Variants in MYH15 observed in about 807,000 individuals in gnomAD.
The protein encoded by MYH15 is myosin-15.
Under a neutral mutation model 240.5 loss-of-function variants are expected in MYH15, and 227 were observed. The observed-to-expected ratio is 0.94, with a 90% CI of 0.85 to 1.05. The LOEUF is 1.05. MYH15 is among the 50% of genes least tolerant of loss of function. The pLI, the probability that MYH15 is intolerant of heterozygous loss-of-function variation, is 0.00. For synonymous variants in MYH15, 785 were observed against 796.7 expected (o/e 0.99, Z 0.25); for missense variants, 2,217 against 2,247.5 (o/e 0.99, Z 0.27).
chr3:108,459,523 C>T, intron 17 of MYH15, 74 bp from the exon 18 acceptor site: 1 of 822,244 alleles, frequency 1.2e-6, no homozygotes, highest in Non-Finnish European at 1.9e-6. Flanking sequence ...TCACAAATGT[C>T]TCCAAATCTA....
chr3:108,381,829 A>G (rs2082345983), intron 40 of MYH15, among the ~76,000 whole-genome samples: 1 of 152,150 alleles, frequency 6.6e-6, no homozygotes, highest in Non-Finnish European at 1.5e-5. Context: ...TGCCAACCCC[A>G]TAAGGAGAAA....
Position 108,495,928 on chromosome 3 carries a change from T to C in MYH15, c.619-56A>G, listed in dbSNP as rs971034620. On this transcript the variant is annotated intron_variant, in intron 6 of 40. Coordinates refer to ENST00000693548, the MANE Select transcript of MYH15 (RefSeq NM_014981.3). ...TGAAACTATTAGTAGAATTCTGTAA[T>C]GCGGCAAGCCCTCCATCTCCAGGTC... 7 of 1,353,886 alleles carry C rather than the reference T, an allele frequency of 5.2e-6. No individual in the cohort carries two copies. In the East Asian group the frequency reaches 9.8e-5, roughly 19 times the overall value. 83.9% of individuals were successfully genotyped at this position (1,353,886 alleles called of 1,614,324 possible).
At chr3:108,539,795 A>G in the MYH15 span, among the ~76,000 whole-genome samples, 1 of 152,114 alleles carries the variant, frequency 6.6e-6, no homozygotes, top group Non-Finnish European at 1.5e-5. Context: ...AAATATAGAC[A>G]GTTTCCTGGC....
intron 6 of MYH15, 50 bp from the exon 7 acceptor site, chr3:108,495,922 C>T: frequency 7.1e-7 from 1 of 1,413,028 alleles, no homozygotes; most frequent in Non-Finnish European, 9.8e-7. Flanking sequence ...TAGTAGAATT[C>T]TGTAATGCGG....
intron 37 of MYH15, among the ~76,000 whole-genome samples, chr3:108,390,346 G>C (rs928879886): frequency 3.9e-5 from 6 of 152,074 alleles, no homozygotes; most frequent in African/African-American, 9.7e-5. Context: ...GTTCATTGCT[G>C]GTCGTTGCTA....
intron 30 of MYH15, among the ~76,000 whole-genome samples, chr3:108,413,121 C>A (rs372166063): frequency 6.6e-6 from 1 of 152,146 alleles, no homozygotes; most frequent in East Asian, 1.9e-4. Context: ...GATAGATAGG[C>A]AATTTCACCT....
At chr3:108,513,975 T>C (rs114084591), upstream of MYH15, among the ~76,000 whole-genome samples, 2,074 of 152,294 alleles carry the variant, frequency 0.014, 63 homozygotes, top group African/African-American at 0.047. Context: ...CTGTTTATAT[T>C]GATACGGCAC....
At chr3:108,532,276 C>T (rs2688251), upstream of MYH15, among the ~76,000 whole-genome samples, 151,635 of 152,124 alleles carry the variant, frequency 1, 75,574 homozygotes, top group Middle Eastern at 1. Context: ...GTAAACTGAG[C>T]AAAGCAGATT....
chr3:108,410,058 G>A (rs373962039), intron 31 of MYH15, among the ~76,000 whole-genome samples: 15 of 115,202 alleles, frequency 1.3e-4, no homozygotes, highest in African/African-American at 3.7e-4. Flanking sequence ...CCAGATCTGC[G>A]ACTTATCAAA....
At chr3:108,463,697 T>C (rs961390395) in intron 15 of MYH15, among the ~76,000 whole-genome samples, 1 of 152,012 alleles carries the variant, frequency 6.6e-6, no homozygotes, top group African/African-American at 2.4e-5. Flanking sequence ...TTTAATGTAA[T>C]AGTACAGAAT....
chr3:108,401,365 G>C (rs1008245482), intron 33 of MYH15, among the ~76,000 whole-genome samples: 1 of 139,520 alleles, frequency 7.2e-6, no homozygotes, highest in Non-Finnish European at 1.6e-5. Context: ...TGAGGATGCA[G>C]TGAAAATGTG....
At chr3:108,544,994 T>C in the MYH15 span, among the ~76,000 whole-genome samples, 3 of 152,142 alleles carry the variant, frequency 2.0e-5, no homozygotes, top group Non-Finnish European at 4.4e-5. Flanking sequence ...CTTAACTACA[T>C]CTTTTCCTCA....
intron 2 of MYH15, among the ~76,000 whole-genome samples, chr3:108,502,572 G>A (rs957134457): frequency 2.0e-5 from 3 of 151,882 alleles, no homozygotes; most frequent in African/African-American, 4.8e-5. Flanking sequence ...CACAATGCTT[G>A]GGATATAATA....
chr3:108,529,263 C>T (rs763213333), exon 1 of MYH15: 29 of 1,603,172 alleles, frequency 1.8e-5, no homozygotes, highest in African/African-American at 2.7e-5. Context: ...GTCCACTCAC[C>T]ATGATCTTTT....
At chr3:108,474,434 A>G (rs1399231999) in intron 12 of MYH15, among the ~76,000 whole-genome samples, 3 of 150,842 alleles carry the variant, frequency 2.0e-5, no homozygotes, top group African/African-American at 7.3e-5. Flanking sequence ...ACTTGTTCTC[A>G]GCCCTCCTAG....
At chr3:108,473,209 A>G (rs2083191961) in intron 12 of MYH15, among the ~76,000 whole-genome samples, 1 of 152,174 alleles carries the variant, frequency 6.6e-6, no homozygotes, top group Non-Finnish European at 1.5e-5. Flanking sequence ...AGGTTTCACC[A>G]TGTTGGCCAG....
In MYH15 at chr3:108,444,731, A is replaced by C; in HGVS notation, c.2564T>G (p.Leu855Trp). The C allele has an allele frequency of 4.3e-6, 7 of 1,614,062 alleles. No individual in the cohort carries two copies. Among genetic ancestry groups the C allele is most frequent in the Non-Finnish European group, 5.9e-6 (7 of 1,179,990 alleles). ...KEECAQLQKA[L>W]EKSEFQREEL... is the part of the protein sequence containing the mutation. Reference sequence around the variant, plus strand: ...CTCCCTCTGAAACTCTGATTTCTCCAAGGCTTTCTGTAATTGTGCACACTC... The same window carrying C: ...CTCCCTCTGAAACTCTGATTTCTCCCAGGCTTTCTGTAATTGTGCACACTC... Residue 855 changes from leucine (L) to tryptophan (W), a missense_variant, in exon 22 of 41, where the codon TTG (leucine) becomes TGG (tryptophan). Coordinates refer to ENST00000693548, the MANE Select transcript of MYH15 (RefSeq NM_014981.3).
the MYH15 span, among the ~76,000 whole-genome samples, chr3:108,535,011 C>A: frequency 6.6e-6 from 1 of 152,176 alleles, no homozygotes; most frequent in Non-Finnish European, 1.5e-5. Flanking sequence ...TAACACACAG[C>A]TCCTCACAAC....
In MYH15 at chr3:108,520,462, C is replaced by T. The variant is rs140760416; in HGVS notation, c.-58+8801G>A. ...AGACTTTATACACTCTTGTCAAGGT[C>T]AAGGATGACAGCTTCAGTCAACTTT... is the stretch of plus-strand genomic sequence containing the variant. On this transcript the variant is annotated intron_variant, in intron 1 of 41. Coordinates refer to the MYH15 transcript ENST00000273353. Among the ~76,000 whole-genome samples, 92 of 152,216 alleles carry T rather than the reference C, an allele frequency of 6.0e-4. No individual in the cohort carries two copies. In the East Asian group the frequency reaches 6.2e-3, roughly 10 times the overall value.
Sources: gnomAD v4.1 joint callset for allele counts (sites outside exome capture counted in the v4.1 genomes callset) on GRCh38, gnomAD v4.1.1 for gene constraint, MANE v1.5 for transcripts, NCBI Gene and HGNC (gene_info 2026-07-23, HGNC 2026-07-21) for gene names.